SHISAL2B: variants seen among roughly 807,000 people sequenced by gnomAD.
SHISAL2B encodes the protein shisa like 2B.
Under a neutral mutation model 16.5 loss-of-function variants are expected in SHISAL2B, and 12 were observed. The observed-to-expected ratio is 0.73, with a 90% CI of 0.47 to 1.18. The LOEUF (loss-of-function observed/expected upper bound fraction) is 1.18. Among genes scored for constraint, SHISAL2B ranks in the 50% most tolerant of loss-of-function variants. SHISAL2B has a pLI of 0.00. For synonymous variants in SHISAL2B, 72 were observed against 75.0 expected (o/e 0.96, Z 0.21); for missense variants, 183 against 193.6 (o/e 0.95, Z 0.33).
At position 64,690,957 on chromosome 5, in the gene SHISAL2B, C is replaced by T. The variant is rs193055205; in HGVS notation, c.191+143C>T. On this transcript the variant is annotated intron_variant, in intron 1 of 2. Transcript: ENST00000389074. Reference sequence around the variant, plus strand: ...AGGTCCCTACGGAAGGACGCGGAGCCTCTGAGGGCGGGTGAGGGCAGGGAG... The same window carrying T: ...AGGTCCCTACGGAAGGACGCGGAGCTTCTGAGGGCGGGTGAGGGCAGGGAG... The T allele has an allele frequency of 4.3e-3, 2,921 of 684,710 alleles. 9 individuals are homozygous for T. The highest frequency in any genetic ancestry group is 5.3e-3 in the Non-Finnish European group (2,428 of 455,666). 42.4% of individuals were successfully genotyped at this position (684,710 alleles called of 1,614,324 possible). A position where few individuals can be genotyped will look rare whatever the true frequency, so the allele number is the denominator to read the frequency against.
At chr5:64,712,346 G>A (rs953395343) in intron 2 of SHISAL2B, among the ~76,000 whole-genome samples, 1 of 152,142 alleles carries the variant, frequency 6.6e-6, no homozygotes, top group African/African-American at 2.4e-5. Context: ...TAGTTGAGCG[G>A]CTTTGAGTGA....
intron 2 of SHISAL2B, among the ~76,000 whole-genome samples, chr5:64,698,776 A>T (rs1378102838): frequency 6.6e-6 from 1 of 152,142 alleles, no homozygotes. Flanking sequence ...TTTGCTCTCT[A>T]CTGTATCCCC....
intron 2 of SHISAL2B, among the ~76,000 whole-genome samples, chr5:64,696,388 A>T (rs912817412): frequency 6.6e-6 from 1 of 152,178 alleles, no homozygotes; most frequent in South Asian, 2.1e-4. Flanking sequence ...AAAAGAACAG[A>T]ATAACAGTGA....
Position 64,718,079 on chromosome 5 carries a change from G to A in SHISAL2B, c.*57G>A, listed in dbSNP as rs1017436657. 44 of 1,395,592 alleles carry A rather than the reference G, an allele frequency of 3.2e-5. No individual in the cohort carries two copies. Among genetic ancestry groups the A allele is most frequent in the Middle Eastern group, 3.6e-4 (2 of 5,532 alleles). The allele number at this position is 1,395,592 out of a possible 1,614,324, so 86.5% of individuals were successfully genotyped here. On this transcript the variant is annotated 3_prime_UTR_variant, in exon 3 of 3. Coordinates refer to ENST00000389074, the MANE Select transcript of SHISAL2B (RefSeq NM_001164442.2). ...AGAGATGGGACAATAAAAATAAAGC[G>A]TGCACTTGAAACGGTTTGTAATATT...
Position 64,718,125 on chromosome 5 carries a change from TCA to T in SHISAL2B, c.*106_*107del. On this transcript the variant is annotated 3_prime_UTR_variant, in exon 3 of 3. Coordinates refer to ENST00000389074, the MANE Select transcript of SHISAL2B (RefSeq NM_001164442.2). ...ATATTGCTTTTCAAAAATTCGTCACTCACAAAGCAAGACACAGCTGCATTTTT... is the reference window on the plus strand; with the variant it reads ...ATATTGCTTTTCAAAAATTCGTCACTCAAAGCAAGACACAGCTGCATTTTT... 1 of 1,019,590 alleles carries T rather than the reference TCA, an allele frequency of 9.8e-7. No individual in the cohort carries two copies. The allele number at this position is 1,019,590 out of a possible 1,614,324, so 63.2% of individuals were successfully genotyped here.
At chr5:64,714,347 T>C (rs895707027) in intron 2 of SHISAL2B, among the ~76,000 whole-genome samples, 1 of 144,498 alleles carries the variant, frequency 6.9e-6, no homozygotes, top group African/African-American at 2.8e-5. Context: ...CCAGTTAGGT[T>C]GCTCGGGGGT....
Position 64,717,882 on chromosome 5 carries a change from T to A in SHISAL2B, c.350-7T>A. 6.7e-7 allele frequency: 1 copy of A among 1,502,778 alleles called. No homozygotes were observed. Among genetic ancestry groups the A allele is most frequent in the Non-Finnish European group, 8.8e-7 (1 of 1,139,034 alleles). The allele number at this position is 1,502,778 out of a possible 1,614,324, so 93.1% of individuals were successfully genotyped here. On this transcript the variant is annotated splice_polypyrimidine_tract_variant and splice_region_variant and intron_variant, in intron 2 of 2. Coordinates refer to ENST00000389074, the MANE Select transcript of SHISAL2B (RefSeq NM_001164442.2). Reference sequence around the variant, plus strand: ...TCAAATAATTATTTTGTTTTGTGTATCTGCAGGCAAGTCAAATGGAAAAAC... The same window carrying A: ...TCAAATAATTATTTTGTTTTGTGTAACTGCAGGCAAGTCAAATGGAAAAAC...
chr5:64,701,721 T>A (rs527268376), intron 2 of SHISAL2B, among the ~76,000 whole-genome samples: 4 of 152,148 alleles, frequency 2.6e-5, no homozygotes, highest in Admixed American at 1.3e-4. Flanking sequence ...TGAAAAAGGG[T>A]AAGTAAATTA....
intron 2 of SHISAL2B, among the ~76,000 whole-genome samples, chr5:64,706,524 C>A (rs1235702561): frequency 6.6e-6 from 1 of 152,114 alleles, no homozygotes; most frequent in Non-Finnish European, 1.5e-5. Flanking sequence ...TTTTTAAAAT[C>A]TTTTGGAGAA....
chr5:64,701,541 T>G (rs1741810083), intron 2 of SHISAL2B, among the ~76,000 whole-genome samples: 1 of 152,116 alleles, frequency 6.6e-6, no homozygotes, highest in Non-Finnish European at 1.5e-5. Context: ...TAGAAGGGGC[T>G]GGGGGAAGGA....
intron 2 of SHISAL2B, among the ~76,000 whole-genome samples, chr5:64,696,589 G>C (rs1741739589): frequency 1.3e-5 from 2 of 152,102 alleles, no homozygotes; most frequent in African/African-American, 4.8e-5. Context: ...TTCCTGGGGG[G>C]AGGTCTATAA....
At chr5:64,700,163 G>A (rs933802341) in intron 2 of SHISAL2B, among the ~76,000 whole-genome samples, 4 of 152,148 alleles carry the variant, frequency 2.6e-5, no homozygotes, top group African/African-American at 4.8e-5. Flanking sequence ...CACTCTGAGG[G>A]TGAGGGCTCA....
At chr5:64,714,299 G>C (rs978487297) in intron 2 of SHISAL2B, among the ~76,000 whole-genome samples, 7 of 141,962 alleles carry the variant, frequency 4.9e-5, no homozygotes, top group African/African-American at 2.0e-4. Flanking sequence ...ATACCCTGCA[G>C]TGTGAGGTGT....
chr5:64,698,769 G>T (rs909524529), intron 2 of SHISAL2B, among the ~76,000 whole-genome samples: 1 of 152,102 alleles, frequency 6.6e-6, no homozygotes, highest in African/African-American at 2.4e-5. Flanking sequence ...TGTCTTGTTT[G>T]CTCTCTACTG....
intron 1 of SHISAL2B, among the ~76,000 whole-genome samples, chr5:64,693,424 A>AAATTGAATGGTCTGGTTTTAT (rs1410911836): frequency 8.5e-5 from 13 of 152,172 alleles, no homozygotes; most frequent in Non-Finnish European, 1.8e-4. Context: ...TTTTTCTTTC[A>AAATTGAATGGTCTGGTTTTAT]AATTGAATGG....
intron 2 of SHISAL2B, among the ~76,000 whole-genome samples, chr5:64,707,762 C>CA (rs1741893984): frequency 6.6e-6 from 1 of 152,116 alleles, no homozygotes; most frequent in African/African-American, 2.4e-5. Context: ...AAAAACAAAA[C>CA]AAAAGATCAG....
intron 2 of SHISAL2B, among the ~76,000 whole-genome samples, chr5:64,712,376 T>C (rs977473455): frequency 5.3e-5 from 8 of 152,212 alleles, no homozygotes; most frequent in Non-Finnish European, 1.0e-4. Context: ...TCCTGAGTTC[T>C]AGTTTGATTG....
intron 2 of SHISAL2B, among the ~76,000 whole-genome samples, chr5:64,715,204 T>C (rs193298528): frequency 1.1e-3 from 160 of 152,130 alleles, no homozygotes; most frequent in African/African-American, 3.7e-3. Context: ...ATATTTTTAC[T>C]TACAAAAAGC....
chr5:64,692,185 C>A (rs563550344), intron 1 of SHISAL2B, among the ~76,000 whole-genome samples: 3 of 152,272 alleles, frequency 2.0e-5, no homozygotes, highest in African/African-American at 7.2e-5. Flanking sequence ...AGTAATCTAT[C>A]TCTGGGTCAT....
Sources: gnomAD v4.1 joint callset for allele counts (sites outside exome capture counted in the v4.1 genomes callset) on GRCh38, gnomAD v4.1.1 for gene constraint, MANE v1.5 for transcripts, NCBI Gene and HGNC (gene_info 2026-07-23, HGNC 2026-07-21) for gene names.